TEX26: variants seen among roughly 807,000 people sequenced by gnomAD.
TEX26 encodes testis expressed 26.
A neutral mutation model predicts 35.3 loss-of-function variants in TEX26; 34 were observed. The ratio of observed to expected loss-of-function variants is 0.96; its 90% CI spans 0.73 to 1.28. The LOEUF is 1.28. Ranked by LOEUF, TEX26 falls within the 50% of genes most tolerant of loss-of-function variation. The pLI, the probability that TEX26 is intolerant of heterozygous loss-of-function variation, is 0.00. For missense variants in TEX26, 371 were observed against 330.1 expected, an observed-to-expected ratio of 1.12 and a Z score of -0.96; for synonymous variants, 136 against 111.8, an observed-to-expected ratio of 1.22 and a Z score of -1.36.
chr13:30,944,896 G>C (rs1297064262), intron 2 of TEX26, among the ~76,000 whole-genome samples: 1 of 152,008 alleles, frequency 6.6e-6, no homozygotes, highest in African/African-American at 2.4e-5. Flanking sequence ...CCCATGTGCT[G>C]ATGAGAAAAA....
intron 4 of TEX26, among the ~76,000 whole-genome samples, chr13:30,958,913 CT>C (rs1331326156): frequency 1.3e-5 from 2 of 152,180 alleles, no homozygotes; most frequent in East Asian, 1.9e-4. Context: ...AAGCCCTTAG[CT>C]TTTCATAAAT....
intron 6 of TEX26, chr13:30,973,500 T>C (rs147275343): frequency 6.6e-6 from 1 of 152,276 alleles, no homozygotes; most frequent in East Asian, 1.9e-4. Flanking sequence ...AAAAGATTAG[T>C]GAATTTCACT....
intron 1 of TEX26, chr13:30,933,088 A>C (rs752211481): frequency 2.8e-5 from 8 of 281,008 alleles, no homozygotes; most frequent in Non-Finnish European, 4.7e-5. Flanking sequence ...CAAGGAAAAC[A>C]GGGCCAAAGG....
intron 4 of TEX26, 149 bp from the exon 5 acceptor site, chr13:30,966,073 C>T (rs1817071712): frequency 1.3e-6 from 1 of 762,526 alleles, no homozygotes; most frequent in East Asian, 2.8e-5. Flanking sequence ...TGAGTATATA[C>T]TTCCTGTGAC....
At chr13:30,955,172 C>A (rs1954080546) in intron 3 of TEX26, among the ~76,000 whole-genome samples, 1 of 152,126 alleles carries the variant, frequency 6.6e-6, no homozygotes, top group African/African-American at 2.4e-5. Flanking sequence ...AGCTGATGAG[C>A]TTTAAAAAAT....
intron 1 of TEX26, among the ~76,000 whole-genome samples, chr13:30,935,565 G>A (rs1953242419): frequency 1.3e-5 from 2 of 152,170 alleles, no homozygotes; most frequent in South Asian, 2.1e-4. Flanking sequence ...GAGATGATGG[G>A]GCAACTAGCT....
chr13:30,965,559 T>A (rs1034565894), intron 4 of TEX26, among the ~76,000 whole-genome samples: 1 of 152,196 alleles, frequency 6.6e-6, no homozygotes, highest in African/African-American at 2.4e-5. Flanking sequence ...CTAAGTGAGA[T>A]GGATTGTGAC....
intron 4 of TEX26, among the ~76,000 whole-genome samples, chr13:30,959,331 T>C (rs1946381930): frequency 6.6e-6 from 1 of 152,220 alleles, no homozygotes; most frequent in Non-Finnish European, 1.5e-5. Context: ...TCTTCTTATG[T>C]GATTTTTAAA....
At chr13:30,971,424 A>G (rs1223755338) in intron 6 of TEX26, among the ~76,000 whole-genome samples, 3 of 152,168 alleles carry the variant, frequency 2.0e-5, no homozygotes, top group Non-Finnish European at 2.9e-5. Context: ...ATTTTAAAAG[A>G]GAGAGAGAAA....
chr13:30,943,284 T>G (rs1953581428), intron 2 of TEX26, among the ~76,000 whole-genome samples: 1 of 152,134 alleles, frequency 6.6e-6, no homozygotes, highest in Non-Finnish European at 1.5e-5. Flanking sequence ...GTTATTGATT[T>G]GATTCTCAGC....
intron 4 of TEX26, 77 bp from the exon 5 acceptor site, chr13:30,966,117 GTTCATACAGGGCACATTGACCATACCTC>G: frequency 8.5e-7 from 1 of 1,170,900 alleles, no homozygotes; most frequent in Middle Eastern, 2.0e-4. Flanking sequence ...CCATTGAAGT[GTTCATACAGGGCACATTGACCATACCTC>G]TAAACACAGC....
chr13:30,958,402 G>T (rs1349431317), intron 4 of TEX26, among the ~76,000 whole-genome samples: 2 of 152,224 alleles, frequency 1.3e-5, no homozygotes, highest in African/African-American at 4.8e-5. Flanking sequence ...ACACGCTGGT[G>T]CATGGCTCTA....
At chr13:30,974,618 C>T (rs1193538817) in intron 6 of TEX26, among the ~76,000 whole-genome samples, 1 of 152,128 alleles carries the variant, frequency 6.6e-6, no homozygotes, top group African/African-American at 2.4e-5. Context: ...GTGTTCTGTC[C>T]AGTAAGTTTG....
chr13:30,972,045 T>C (rs569024101), intron 6 of TEX26, among the ~76,000 whole-genome samples: 11 of 152,354 alleles, frequency 7.2e-5, no homozygotes, highest in Non-Finnish European at 1.5e-4. Flanking sequence ...AGGGAACTCA[T>C]TATCTGGTAT....
At chr13:30,965,798 A>G (rs1347875462) in intron 4 of TEX26, among the ~76,000 whole-genome samples, 1 of 152,226 alleles carries the variant, frequency 6.6e-6, no homozygotes, top group Non-Finnish European at 1.5e-5. Flanking sequence ...TTAAGCAAAT[A>G]AAACTATGGG....
At chr13:30,952,115 C>T (rs753502407) in intron 2 of TEX26, among the ~76,000 whole-genome samples, 1 of 137,924 alleles carries the variant, frequency 7.3e-6, no homozygotes, top group Non-Finnish European at 1.5e-5. Flanking sequence ...CTGAAGACTT[C>T]ATCTGATTCA....
chr13:30,960,941 T>C (rs1026434634), intron 4 of TEX26, among the ~76,000 whole-genome samples: 3 of 152,146 alleles, frequency 2.0e-5, no homozygotes, highest in African/African-American at 7.2e-5. Context: ...AAAGGAGGTA[T>C]CAAATATAAT....
chr13:30,964,256 G>A (rs1954449189), intron 4 of TEX26, among the ~76,000 whole-genome samples: 1 of 152,100 alleles, frequency 6.6e-6, no homozygotes, highest in African/African-American at 2.4e-5. Flanking sequence ...ACTTCTGGAG[G>A]TTCTCAATGT....
At chr13:30,944,231 T>A (rs572014931) in intron 2 of TEX26, among the ~76,000 whole-genome samples, 34 of 152,170 alleles carry the variant, frequency 2.2e-4, no homozygotes, top group African/African-American at 8.2e-4. Context: ...CTAGATTTTC[T>A]AGTTTGAGTG....
Sources: allele counts gnomAD v4.1 joint callset (sites outside exome capture counted in the v4.1 genomes callset), GRCh38; gene constraint gnomAD v4.1.1; transcripts MANE v1.5; gene names NCBI Gene and HGNC (gene_info 2026-07-23, HGNC 2026-07-21).